Variants in AFG1L observed in about 807,000 individuals in gnomAD.
AFG1L encodes the protein AFG1 like ATPase.
AFG1L carries 53 observed loss-of-function variants against 62.2 expected under a neutral mutation model. The ratio of observed to expected loss-of-function variants is 0.85; its 90% CI spans 0.68 to 1.07. AFG1L has a LOEUF of 1.07. Among genes scored for constraint, AFG1L ranks in the 50% least tolerant of loss-of-function variants. The pLI is 0.00. For missense variants in AFG1L, 555 were observed against 590.5 expected, an observed-to-expected ratio of 0.94 and a Z score of 0.62; for synonymous variants, 228 against 210.3, an observed-to-expected ratio of 1.08 and a Z score of -0.73.
chr6:108,496,075 C>A (rs111397304), intron 10 of AFG1L, among the ~76,000 whole-genome samples: 4,286 of 152,228 alleles, frequency 0.028, 94 homozygotes, highest in Middle Eastern at 0.088. Context: ...ATTCATAGGG[C>A]ACAATGCATG....
chr6:108,359,626 T>TG (rs1779444064), intron 5 of AFG1L: 1 of 152,304 alleles, frequency 6.6e-6, no homozygotes, highest in South Asian at 2.1e-4. Context: ...AGCTGATCTA[T>TG]AAGTAGCTAA....
At chr6:108,424,730 A>G (rs1402726275) in intron 7 of AFG1L, among the ~76,000 whole-genome samples, 1 of 152,140 alleles carries the variant, frequency 6.6e-6, no homozygotes, top group East Asian at 1.9e-4. Context: ...TTAAATTAAA[A>G]GCACAACTTT....
At position 108,519,723 on chromosome 6, in the gene AFG1L, T is replaced by G; in HGVS notation, c.1230T>G (p.Thr410=). ...LKVRIICSAS[T]PISSLFLHQH... ...TGCGTATAATTTGCTCTGCGTCGAC[T>G]CCTATATCAAGCTTATTTTTGCATC... Residue 410 remains threonine, a synonymous_variant, in exon 12 of 13, where the codon ACT becomes ACG. Transcript: ENST00000368977. The G allele has an allele frequency of 6.2e-7, 1 of 1,612,088 alleles. No homozygotes were observed. Among genetic ancestry groups the G allele is most frequent in the Non-Finnish European group, 8.5e-7 (1 of 1,178,606 alleles).
intron 2 of AFG1L, among the ~76,000 whole-genome samples, chr6:108,333,212 C>T (rs1395562993): frequency 2.0e-5 from 3 of 151,226 alleles, no homozygotes; most frequent in Non-Finnish European, 4.4e-5. Flanking sequence ...GAGTTCGAGA[C>T]CAACCTGGCC....
At position 108,323,931 on chromosome 6, in the gene AFG1L, G is replaced by A. The variant is rs1425456396; in HGVS notation, c.246G>A (p.Leu82=). ...CHGPLDHYDF[L]IKAHELKDDE... ...GACCTCTGGACCACTATGATTTTCT[G>A]ATCAAAGCTCATGAGCTAAAGGATG... The change falls in exon 2 of 13, where the codon CTG becomes CTA. Residue 82 remains leucine (L), a synonymous_variant. Transcript: ENST00000368977. 5 of 1,614,014 alleles carry A rather than the reference G, an allele frequency of 3.1e-6. 1 individual carries two copies. The highest frequency in any genetic ancestry group is 2.2e-5 in the East Asian group (1 of 44,890).
chr6:108,448,655 G>A (rs940062227), intron 8 of AFG1L, among the ~76,000 whole-genome samples: 10 of 152,024 alleles, frequency 6.6e-5, no homozygotes, highest in Non-Finnish European at 1.5e-4. Context: ...TGCTTGGAGC[G>A]TAGCCATTTT....
intron 7 of AFG1L, among the ~76,000 whole-genome samples, chr6:108,405,178 CTGCCA>C (rs1241961223): frequency 6.6e-6 from 1 of 152,188 alleles, no homozygotes; most frequent in East Asian, 1.9e-4. Context: ...TCTAACGTCT[CTGCCA>C]TCTTGATGTT....
intron 10 of AFG1L, among the ~76,000 whole-genome samples, chr6:108,479,987 G>C (rs1773266951): frequency 6.6e-6 from 1 of 152,122 alleles, no homozygotes; most frequent in Non-Finnish European, 1.5e-5. Flanking sequence ...ACTTACCTGT[G>C]TCTTGATAAG....
intron 7 of AFG1L, among the ~76,000 whole-genome samples, chr6:108,406,420 A>T (rs1014664128): frequency 2.0e-5 from 3 of 150,228 alleles, no homozygotes; most frequent in African/African-American, 7.4e-5. Context: ...GTAACTTTTC[A>T]TGTGCTTATT....
intron 6 of AFG1L, among the ~76,000 whole-genome samples, chr6:108,380,095 G>C (rs1049127196): frequency 6.6e-6 from 1 of 151,986 alleles, no homozygotes; most frequent in Non-Finnish European, 1.5e-5. Context: ...GTGCACGCAG[G>C]TGGTCTGAAT....
intron 10 of AFG1L, among the ~76,000 whole-genome samples, chr6:108,504,875 T>G (rs1428767516): frequency 6.6e-6 from 1 of 152,088 alleles, no homozygotes; most frequent in Non-Finnish European, 1.5e-5. Flanking sequence ...GGGACAAAAG[T>G]CAGAGACTAG....
intron 7 of AFG1L, among the ~76,000 whole-genome samples, chr6:108,442,694 A>G (rs1341715139): frequency 1.3e-5 from 2 of 152,194 alleles, no homozygotes; most frequent in African/African-American, 2.4e-5. Flanking sequence ...TTGCTGATAT[A>G]TAATCAAAAT....
rs75838078 is a variant in AFG1L, at chr6:108,362,130, G to A, written c.649-4103G>A. Among the ~76,000 whole-genome samples the A allele has an allele frequency of 6.6e-4, 100 of 152,208 alleles. 5 individuals are homozygous for A. The East Asian group carries it at 0.011, about 17-fold the overall frequency. On this transcript the variant is annotated intron_variant, in intron 5 of 12. Transcript: ENST00000368977. ...TAATAGCATTTCTCAAGCAAAATCA[G>A]CATTTACAGAACCCAAGGTATATTA...
intron 6 of AFG1L, among the ~76,000 whole-genome samples, chr6:108,396,238 T>A (rs1037684349): frequency 5.9e-5 from 9 of 152,116 alleles, no homozygotes; most frequent in Non-Finnish European, 1.0e-4. Flanking sequence ...TCCATTTTTT[T>A]AAGAAAAATA....
In AFG1L at chr6:108,387,998, T is replaced by A. The variant is rs182942061; in HGVS notation, c.749-13998T>A. ...TAAACAAATGAGTTGAATAATTCCA[T>A]CCACTTACACTAACACCCCATCTGG... On this transcript the variant is annotated intron_variant, in intron 6 of 12. Transcript: ENST00000368977. 7 of 152,230 alleles carry A rather than the reference T, an allele frequency of 4.6e-5. No individual in the cohort carries two copies. In the East Asian group the frequency reaches 1.4e-3, roughly 29 times the overall value. 9.4% of individuals were successfully genotyped at this position (152,230 alleles called of 1,614,324 possible).
At chr6:108,464,495 G>A (rs1268548800) in intron 8 of AFG1L, among the ~76,000 whole-genome samples, 1 of 152,032 alleles carries the variant, frequency 6.6e-6, no homozygotes, top group Non-Finnish European at 1.5e-5. Context: ...TTTCATCCAG[G>A]GTACTGTACT....
chr6:108,400,165 A>G (rs975597305), intron 6 of AFG1L, among the ~76,000 whole-genome samples: 9 of 151,850 alleles, frequency 5.9e-5, no homozygotes, highest in African/African-American at 2.2e-4. Flanking sequence ...TTCCTTTCCA[A>G]TTTGGAAGCC....
At chr6:108,487,982 C>G (rs557718394) in intron 10 of AFG1L, among the ~76,000 whole-genome samples, 10 of 151,536 alleles carry the variant, frequency 6.6e-5, no homozygotes, top group Middle Eastern at 3.4e-3. Flanking sequence ...GGAAGATTAA[C>G]AGGTCAGTAT....
chr6:108,471,841 G>A (rs997459791), intron 8 of AFG1L, among the ~76,000 whole-genome samples: 4 of 152,186 alleles, frequency 2.6e-5, no homozygotes, highest in African/African-American at 4.8e-5. Flanking sequence ...GCTTCATTCC[G>A]AAACTTGCTT....
Sources: gnomAD v4.1 joint callset for allele counts (sites outside exome capture counted in the v4.1 genomes callset) on GRCh38, gnomAD v4.1.1 for gene constraint, MANE v1.5 for transcripts, NCBI Gene and HGNC (gene_info 2026-07-23, HGNC 2026-07-21) for gene names.